The following RAD18 variants were observed in gnomAD, a reference collection of about 807,000 sequenced individuals.
The protein encoded by RAD18 is E3 ubiquitin-protein ligase RAD18.
A neutral mutation model predicts 60.4 loss-of-function variants in RAD18; 47 were observed. The observed-to-expected ratio is 0.78, with a 90% CI of 0.62 to 0.99. RAD18 has a LOEUF of 0.99. Among genes scored for constraint, RAD18 ranks in the 50% least tolerant of loss-of-function variants. RAD18 has a pLI of 0.00. For synonymous variants in RAD18, 225 were observed against 195.5 expected (o/e 1.15, Z -1.26); for missense variants, 640 against 593.3 (o/e 1.08, Z -0.82).
At chr3:8,897,293 T>C (rs998021939) in intron 11 of RAD18, among the ~76,000 whole-genome samples, 5 of 152,034 alleles carry the variant, frequency 3.3e-5, no homozygotes, top group East Asian at 3.9e-4. Flanking sequence ...AGGGGGATAA[T>C]AGAAATCGCT....
chr3:8,904,875 T>C (rs543028764), intron 9 of RAD18, among the ~76,000 whole-genome samples: 5 of 152,196 alleles, frequency 3.3e-5, no homozygotes, highest in Admixed American at 6.5e-5. Flanking sequence ...AGTAATCACA[T>C]TAACAGTTAA....
intron 7 of RAD18, among the ~76,000 whole-genome samples, chr3:8,932,315 C>G (rs777461491): frequency 1.3e-5 from 2 of 152,068 alleles, no homozygotes; most frequent in Non-Finnish European, 2.9e-5. Flanking sequence ...ATATAAATAA[C>G]TTACAAATCA....
In RAD18 at chr3:8,890,384, C is replaced by T; in HGVS notation, c.1385+5G>A. 1 of 1,570,904 alleles carries T rather than the reference C, an allele frequency of 6.4e-7. No homozygotes were observed. The highest frequency in any genetic ancestry group is 1.1e-5 in the South Asian group (1 of 90,162). ...CATGCTTATTTCATGATTATGAGAA[C>T]TCACTTATGTGATGCTTCCCAGGCT... is the stretch of plus-strand genomic sequence containing the variant. On this transcript the variant is annotated splice_donor_5th_base_variant and intron_variant, in intron 12 of 12. Transcript: ENST00000264926.
chr3:8,907,624 G>A (rs547905017), intron 9 of RAD18, among the ~76,000 whole-genome samples: 41 of 152,240 alleles, frequency 2.7e-4, no homozygotes, highest in South Asian at 2.1e-3. Context: ...GCTGCTGAGC[G>A]TCAGGGATAC....
Position 8,936,034 on chromosome 3 carries a change from C to A in RAD18, c.726G>T (p.Pro242=). The change falls in exon 7 of 13, where the codon CCG becomes CCT. Residue 242 remains proline (P), a synonymous_variant. Coordinates refer to ENST00000264926, the MANE Select transcript of RAD18 (RefSeq NM_020165.4). ...GCAAATTATATACAGTTTTGGGCAG[C>A]GGCTTCCTTTTGTGAACAGAACTGA... is the stretch of plus-strand genomic sequence containing the variant. ...SLRSSVHKRK[P]LPKTVYNLLS... is the part of the protein sequence containing the mutation. The A allele has an allele frequency of 1.3e-6, 2 of 1,589,534 alleles. No homozygotes were observed. The highest frequency in any genetic ancestry group is 1.7e-6 in the Non-Finnish European group (2 of 1,169,806).
At chr3:8,960,959 T>C (rs756694265) in intron 1 of RAD18, among the ~76,000 whole-genome samples, 9 of 152,156 alleles carry the variant, frequency 5.9e-5, no homozygotes, top group South Asian at 2.1e-4. Flanking sequence ...AGGGAAATAA[T>C]AAAATGCCAA....
At position 8,963,231 on chromosome 3, in the gene RAD18, G is replaced by C. The variant is rs1941118823; in HGVS notation, c.51+104C>G. ...GCCGGATACCCGGGCCCAGTGCGAC[G>C]CTCGCGCCTCATCCTTTCTCCTTAA... On this transcript the variant is annotated intron_variant, in intron 1 of 12. Transcript: ENST00000264926. 4 of 1,289,266 alleles carry C rather than the reference G, an allele frequency of 3.1e-6. No homozygotes were observed. In the East Asian group the frequency reaches 1.1e-4, roughly 37 times the overall value. 79.9% of individuals were successfully genotyped at this position (1,289,266 alleles called of 1,614,324 possible).
At chr3:8,882,913 A>G (rs1559751515) in intron 12 of RAD18, among the ~76,000 whole-genome samples, 2 of 152,232 alleles carry the variant, frequency 1.3e-5, no homozygotes, top group South Asian at 2.1e-4. Context: ...CTCAGTCCCT[A>G]TGGTCCTTCA....
At chr3:8,945,286 A>G (rs1940820437) in intron 4 of RAD18, among the ~76,000 whole-genome samples, 1 of 152,142 alleles carries the variant, frequency 6.6e-6, no homozygotes, top group Non-Finnish European at 1.5e-5. Flanking sequence ...ATCTGTTTAT[A>G]TTTTTAAAAG....
intron 7 of RAD18, among the ~76,000 whole-genome samples, chr3:8,930,397 G>T (rs1026272827): frequency 6.6e-6 from 1 of 152,086 alleles, no homozygotes; most frequent in African/African-American, 2.4e-5. Context: ...GGCTATCTAG[G>T]GCTGGAAGGG....
chr3:8,915,279 G>A (rs78314989), intron 7 of RAD18, among the ~76,000 whole-genome samples: 2 of 152,018 alleles, frequency 1.3e-5, no homozygotes, highest in East Asian at 1.9e-4. Context: ...CCCTAATGAC[G>A]AGAAAAAGCG....
At chr3:8,942,190 C>G (rs139651877) in intron 4 of RAD18, among the ~76,000 whole-genome samples, 1 of 152,302 alleles carries the variant, frequency 6.6e-6, no homozygotes, top group African/African-American at 2.4e-5. Context: ...GTGACTGGAT[C>G]ATGAGGGCGA....
chr3:8,933,001 C>T (rs1940585706), intron 7 of RAD18, among the ~76,000 whole-genome samples: 1 of 152,020 alleles, frequency 6.6e-6, no homozygotes, highest in Non-Finnish European at 1.5e-5. Flanking sequence ...GAGGCTGAGG[C>T]AGGAGAATCG....
At chr3:8,955,228 AGT>A (rs1249091740) in intron 2 of RAD18, among the ~76,000 whole-genome samples, 1 of 152,156 alleles carries the variant, frequency 6.6e-6, no homozygotes, top group Non-Finnish European at 1.5e-5. Context: ...CTCACTGGCC[AGT>A]GTGCCTCCCC....
intron 4 of RAD18, 71 bp downstream of exon 4, chr3:8,947,149 G>C: frequency 8.5e-7 from 1 of 1,174,174 alleles, no homozygotes; most frequent in Non-Finnish European, 1.3e-6. Context: ...ATCCAAAGGT[G>C]CACAAAGTAA....
At chr3:8,958,585 C>G (rs751766806) in intron 2 of RAD18, among the ~76,000 whole-genome samples, 1 of 152,202 alleles carries the variant, frequency 6.6e-6, no homozygotes, top group Non-Finnish European at 1.5e-5. Flanking sequence ...GGTGGAACCA[C>G]CTATCTGTTA....
chr3:8,958,444 T>C (rs1472152726), intron 2 of RAD18, among the ~76,000 whole-genome samples: 3 of 152,246 alleles, frequency 2.0e-5, no homozygotes, highest in Non-Finnish European at 2.9e-5. Flanking sequence ...AACATGAGTC[T>C]TTCCAGCGTC....
At chr3:8,952,080 G>T (rs538958295) in intron 2 of RAD18, among the ~76,000 whole-genome samples, 1 of 152,148 alleles carries the variant, frequency 6.6e-6, no homozygotes, top group South Asian at 2.1e-4. Context: ...TGGGGTTGGG[G>T]CTTCGACATA....
chr3:8,954,989 TC>T (rs763953768), intron 2 of RAD18, among the ~76,000 whole-genome samples: 3 of 152,116 alleles, frequency 2.0e-5, no homozygotes, highest in Non-Finnish European at 2.9e-5. Context: ...TACTGAAACT[TC>T]CCTCCACTGA....
Sources: allele counts gnomAD v4.1 joint callset (sites outside exome capture counted in the v4.1 genomes callset), GRCh38; gene constraint gnomAD v4.1.1; transcripts MANE v1.5; gene names NCBI Gene and HGNC (gene_info 2026-07-23, HGNC 2026-07-21).